Variants in ARK2N observed in about 807,000 individuals in gnomAD.
The protein encoded by ARK2N is protein ARK2N.
the ARK2N span, among the ~76,000 whole-genome samples, chr18:46,201,360 T>G: frequency 6.6e-6 from 1 of 152,308 alleles, no homozygotes; most frequent in Admixed American, 6.5e-5. Flanking sequence ...GGATGATTCC[T>G]TGCGGGTTTG....
the ARK2N span, among the ~76,000 whole-genome samples, chr18:46,198,941 G>GA: frequency 2.0e-5 from 3 of 152,052 alleles, no homozygotes; most frequent in Non-Finnish European, 4.4e-5. Flanking sequence ...TTCTAATATA[G>GA]AAAAGAGTTC....
chr18:46,215,199 G>T, the ARK2N span, among the ~76,000 whole-genome samples: 656 of 152,174 alleles, frequency 4.3e-3, 3 homozygotes, highest in African/African-American at 0.015. Context: ...TGCGCCTGTA[G>T]TCCCAGCCAT....
At chr18:46,263,986 C>T in the ARK2N span, 1 of 152,186 alleles carries the variant, frequency 6.6e-6, no homozygotes, top group African/African-American at 2.4e-5. Flanking sequence ...GTTATGTGGC[C>T]TCTGAGGCTA....
At chr18:46,208,020 C>T in the ARK2N span, among the ~76,000 whole-genome samples, 1 of 152,154 alleles carries the variant, frequency 6.6e-6, no homozygotes, top group Non-Finnish European at 1.5e-5. Context: ...CTGGTTAAAT[C>T]CAACTTTTAC....
chr18:46,193,679 ACCTGCACTTC>A, the ARK2N span, among the ~76,000 whole-genome samples: 2 of 149,224 alleles, frequency 1.3e-5, no homozygotes, highest in Admixed American at 6.8e-5. Context: ...GCTCACTGCA[ACCTGCACTTC>A]CTGGGTTCAA....
chr18:46,192,883 C>CA, the ARK2N span, among the ~76,000 whole-genome samples: 91,920 of 139,258 alleles, frequency 0.66, 30,897 homozygotes, highest in Non-Finnish European at 0.75. Flanking sequence ...GAGACTGTCT[C>CA]AAAAAAAAAA....
the ARK2N span, among the ~76,000 whole-genome samples, chr18:46,198,576 A>T: frequency 5.9e-5 from 9 of 151,986 alleles, no homozygotes; most frequent in African/African-American, 1.7e-4. Flanking sequence ...CTCATGTTTT[A>T]TACAAATACC....
the ARK2N span, chr18:46,173,558 T>C: frequency 6.6e-6 from 1 of 152,264 alleles, no homozygotes; most frequent in Non-Finnish European, 1.5e-5. Context: ...TGAGCAGATA[T>C]TGGTGCCGCT....
chr18:46,246,077 G>C, the ARK2N span, among the ~76,000 whole-genome samples: 1 of 152,106 alleles, frequency 6.6e-6, no homozygotes. Context: ...TGGTAATTGC[G>C]GTATTTACAT....
the ARK2N span, among the ~76,000 whole-genome samples, chr18:46,225,870 A>G: frequency 6.6e-6 from 1 of 152,190 alleles, no homozygotes; most frequent in Non-Finnish European, 1.5e-5. Flanking sequence ...TTTGTTATGT[A>G]TGGTGGGAAC....
At chr18:46,210,910 T>TA in the ARK2N span, among the ~76,000 whole-genome samples, 6,579 of 133,730 alleles carry the variant, frequency 0.049, 329 homozygotes, top group East Asian at 0.13. Context: ...GACCCTGTCT[T>TA]AAAAAAAAAA....
At chr18:46,194,805 A>AC in the ARK2N span, among the ~76,000 whole-genome samples, 603 of 126,746 alleles carry the variant, frequency 4.8e-3, 3 homozygotes, top group African/African-American at 0.017. Context: ...AATTTAATTA[A>AC]TTTTTTTTTT....
At chr18:46,233,665 A>G in the ARK2N span, among the ~76,000 whole-genome samples, 5 of 152,186 alleles carry the variant, frequency 3.3e-5, no homozygotes, top group Non-Finnish European at 7.4e-5. Flanking sequence ...CAAAATGGTA[A>G]ACCCTTCATG....
chr18:46,200,461 C>A, the ARK2N span, among the ~76,000 whole-genome samples: 1 of 152,174 alleles, frequency 6.6e-6, no homozygotes, highest in Non-Finnish European at 1.5e-5. Context: ...GCACGTGCCA[C>A]CACGCCCAGC....
At chr18:46,181,350 C>G in the ARK2N span, among the ~76,000 whole-genome samples, 17 of 152,138 alleles carry the variant, frequency 1.1e-4, no homozygotes, top group Admixed American at 4.6e-4. Flanking sequence ...GTATTAAGTT[C>G]TGATTGTTGT....
the ARK2N span, among the ~76,000 whole-genome samples, chr18:46,198,310 C>CAA: frequency 0.018 from 1,264 of 68,918 alleles, 16 homozygotes; most frequent in African/African-American, 0.052. Flanking sequence ...ACTCCATCTC[C>CAA]AAAAAAAAAA....
At chr18:46,177,772 G>T in the ARK2N span, among the ~76,000 whole-genome samples, 1 of 152,036 alleles carries the variant, frequency 6.6e-6, no homozygotes, top group Non-Finnish European at 1.5e-5. Context: ...AGCTGGGTGG[G>T]GTGGTATGCA....
the ARK2N span, among the ~76,000 whole-genome samples, chr18:46,206,094 TTTTTTTTTC>T: frequency 2.7e-5 from 4 of 149,802 alleles, no homozygotes; most frequent in Non-Finnish European, 5.9e-5. Context: ...CCACCAAACT[TTTTTTTTTC>T]TTTTTTTTTC....
At chr18:46,213,694 A>T in the ARK2N span, among the ~76,000 whole-genome samples, 1 of 151,734 alleles carries the variant, frequency 6.6e-6, no homozygotes, top group African/African-American at 2.4e-5. Context: ...TTTATTTTTT[A>T]TTTATTTTAT....
Sources: allele counts gnomAD v4.1 joint callset (sites outside exome capture counted in the v4.1 genomes callset), GRCh38; gene constraint gnomAD v4.1.1; transcripts MANE v1.5; gene names NCBI Gene and HGNC (gene_info 2026-07-23, HGNC 2026-07-21).